Variants in RMST observed in about 807,000 individuals in gnomAD.
The protein encoded by RMST is long intergenic non-protein coding RNA 54.
At chr12:97,545,908 GA>G (rs1882890316) in intron 11 of RMST, among the ~76,000 whole-genome samples, 1 of 152,102 alleles carries the variant, frequency 6.6e-6, no homozygotes. Flanking sequence ...GATGGGATGA[GA>G]AATGGGAATA....
At chr12:97,494,954 G>C (rs764033108) in intron 9 of RMST, 3 of 152,208 alleles carry the variant, frequency 2.0e-5, no homozygotes, top group Middle Eastern at 3.4e-3. Context: ...CCCCAGGAAA[G>C]TTTTCATTTA....
intron 5 of RMST, among the ~76,000 whole-genome samples, chr12:97,469,307 C>G (rs1276051377): frequency 6.6e-6 from 1 of 151,602 alleles, no homozygotes; most frequent in Non-Finnish European, 1.5e-5. Flanking sequence ...AAGAAGTTAT[C>G]TTATTGATAT....
chr12:97,498,698 C>T (rs1021639026), intron 10 of RMST, among the ~76,000 whole-genome samples: 1 of 152,138 alleles, frequency 6.6e-6, no homozygotes, highest in Admixed American at 6.6e-5. Context: ...CGTGAAAAGC[C>T]AGTACCTTCT....
At chr12:97,530,068 G>C (rs1444972845) in intron 10 of RMST, among the ~76,000 whole-genome samples, 3 of 152,038 alleles carry the variant, frequency 2.0e-5, no homozygotes. Context: ...CACAATGTCA[G>C]AATACTGATT....
chr12:97,479,036 TG>T (rs1451916183), intron 5 of RMST, among the ~76,000 whole-genome samples: 8 of 151,906 alleles, frequency 5.3e-5, no homozygotes, highest in Admixed American at 5.2e-4. Context: ...TCCCTTGTCC[TG>T]GTCCCTCTCC....
At chr12:97,521,624 G>A (rs1422764363) in intron 10 of RMST, among the ~76,000 whole-genome samples, 4 of 152,074 alleles carry the variant, frequency 2.6e-5, no homozygotes, top group South Asian at 4.2e-4. Context: ...TCAAGCCCCC[G>A]CATAGTACTC....
chr12:97,510,930 TA>T (rs1879216144), intron 10 of RMST, among the ~76,000 whole-genome samples: 1 of 152,142 alleles, frequency 6.6e-6, no homozygotes, highest in Non-Finnish European at 1.5e-5. Context: ...ATGGAGTCCA[TA>T]ATTGGGATCT....
intron 10 of RMST, among the ~76,000 whole-genome samples, chr12:97,510,753 A>G: frequency 6.6e-6 from 1 of 152,226 alleles, no homozygotes; most frequent in East Asian, 1.9e-4. Context: ...TCTATGTGAC[A>G]TCCACCAAAA....
At chr12:97,513,035 CG>C (rs1457447136) in intron 10 of RMST, among the ~76,000 whole-genome samples, 1 of 152,222 alleles carries the variant, frequency 6.6e-6, no homozygotes, top group African/African-American at 2.4e-5. Context: ...GCTCCAACTG[CG>C]GGGTCCGCCG....
At chr12:97,499,842 A>G (rs1321652414) in intron 10 of RMST, among the ~76,000 whole-genome samples, 2 of 151,544 alleles carry the variant, frequency 1.3e-5, no homozygotes, top group Admixed American at 6.6e-5. Flanking sequence ...GTATTTTTGT[A>G]CAGATGGGGT....
chr12:97,512,529 G>C (rs916271550), intron 10 of RMST, among the ~76,000 whole-genome samples: 5 of 152,254 alleles, frequency 3.3e-5, no homozygotes, highest in East Asian at 1.9e-4. Context: ...GGTTCTCCAC[G>C]TCCCCACCAG....
At chr12:97,499,707 T>C (rs1490346973) in intron 10 of RMST, among the ~76,000 whole-genome samples, 2 of 147,750 alleles carry the variant, frequency 1.4e-5, no homozygotes, top group Non-Finnish European at 1.5e-5. Flanking sequence ...TTGCCCAGAC[T>C]GGAGTGCAAT....
intron 5 of RMST, chr12:97,491,508 T>TGA (rs1258351709): frequency 2.4e-5 from 4 of 169,216 alleles, no homozygotes; most frequent in Non-Finnish European, 5.3e-5. Flanking sequence ...TGTGTGTGTG[T>TGA]GATCACAATC....
chr12:97,490,935 A>C (rs1876725634), intron 5 of RMST, among the ~76,000 whole-genome samples: 1 of 152,154 alleles, frequency 6.6e-6, no homozygotes. Flanking sequence ...TGGGATTGGC[A>C]AAAAAAGAAA....
chr12:97,473,733 C>T (rs1050453830), intron 5 of RMST, among the ~76,000 whole-genome samples: 5 of 152,102 alleles, frequency 3.3e-5, no homozygotes, highest in Non-Finnish European at 5.9e-5. Flanking sequence ...GTTCAATTCT[C>T]GCTTTCTATC....
At chr12:97,478,418 T>A (rs1192207888) in intron 5 of RMST, among the ~76,000 whole-genome samples, 1 of 152,212 alleles carries the variant, frequency 6.6e-6, no homozygotes, top group African/African-American at 2.4e-5. Flanking sequence ...GCATCTCATT[T>A]CATTGTCGTA....
chr12:97,484,561 A>T (rs796279460), intron 5 of RMST, among the ~76,000 whole-genome samples: 73 of 152,286 alleles, frequency 4.8e-4, no homozygotes, highest in African/African-American at 1.6e-3. Flanking sequence ...AGATCTTCCC[A>T]TCTATTTCAA....
At chr12:97,496,400 T>TA (rs201723744) in intron 10 of RMST, among the ~76,000 whole-genome samples, 5,309 of 148,558 alleles carry the variant, frequency 0.036, 327 homozygotes, top group African/African-American at 0.13. Flanking sequence ...ATATCTGGGG[T>TA]AAAAAAAATC....
chr12:97,484,329 C>T (rs1395032897), intron 5 of RMST, among the ~76,000 whole-genome samples: 1 of 152,154 alleles, frequency 6.6e-6, no homozygotes, highest in Non-Finnish European at 1.5e-5. Flanking sequence ...GAAGTGGATA[C>T]CATTCTGACA....
Sources: gnomAD v4.1 joint callset for allele counts (sites outside exome capture counted in the v4.1 genomes callset) on GRCh38, gnomAD v4.1.1 for gene constraint, MANE v1.5 for transcripts, NCBI Gene and HGNC (gene_info 2026-07-23, HGNC 2026-07-21) for gene names.